Variants in AK5 observed in about 807,000 individuals in gnomAD.
The protein encoded by AK5 is adenylate kinase isoenzyme 5.
Under a neutral mutation model 69.5 loss-of-function variants are expected in AK5, and 27 were observed. The observed-to-expected ratio is 0.39, with a 90% confidence interval of 0.29 to 0.54. AK5 has a LOEUF of 0.54. AK5 is among the 20% of genes least tolerant of loss of function. The pLI, the probability that AK5 is intolerant of heterozygous loss-of-function variation, is 0.71. For missense variants in AK5, 531 were observed against 700.4 expected, an observed-to-expected ratio of 0.76 and a Z score of 2.73; for synonymous variants, 260 against 244.4, an observed-to-expected ratio of 1.06 and a Z score of -0.60.
At chr1:77,447,105 AC>A (rs1265835124) in intron 8 of AK5, among the ~76,000 whole-genome samples, 2 of 152,232 alleles carry the variant, frequency 1.3e-5, no homozygotes, top group African/African-American at 4.8e-5. Flanking sequence ...TTCCCCAAAG[AC>A]TGAAATAAAA....
intron 8 of AK5, among the ~76,000 whole-genome samples, chr1:77,443,274 T>G (rs1288012919): frequency 6.6e-6 from 1 of 152,156 alleles, no homozygotes; most frequent in Non-Finnish European, 1.5e-5. Flanking sequence ...GTATTTAATT[T>G]TATAATTCAT....
chr1:77,454,207 G>C lies in AK5; in HGVS notation c.1060-29110G>C, dbSNP rs542500251. ...CCCAGGACTGTCAGCAAGGGAATAGGGTTCAGGTCTTCTCCATTTATAAAC... is the reference window on the plus strand; with the variant it reads ...CCCAGGACTGTCAGCAAGGGAATAGCGTTCAGGTCTTCTCCATTTATAAAC... On this transcript the variant is annotated intron_variant, in intron 8 of 13. Coordinates refer to ENST00000354567, the MANE Select transcript of AK5 (RefSeq NM_174858.3). Among the ~76,000 whole-genome samples, 87 of 152,242 alleles carry C rather than the reference G, an allele frequency of 5.7e-4. No homozygotes were observed. The South Asian group carries it at 0.017, about 30-fold the overall frequency.
chr1:77,379,953 T>C (rs1647511633), intron 6 of AK5, among the ~76,000 whole-genome samples: 1 of 152,244 alleles, frequency 6.6e-6, no homozygotes, highest in African/African-American at 2.4e-5. Context: ...ATTTTAAATC[T>C]GCTTCTGTAG....
chr1:77,378,509 A>G (rs1647391752), intron 6 of AK5, among the ~76,000 whole-genome samples: 1 of 152,134 alleles, frequency 6.6e-6, no homozygotes, highest in Non-Finnish European at 1.5e-5. Context: ...TAGAAGAGAT[A>G]GGGTTTCACC....
intron 6 of AK5, among the ~76,000 whole-genome samples, chr1:77,356,772 C>T (rs923122553): frequency 1.3e-5 from 2 of 152,176 alleles, no homozygotes; most frequent in African/African-American, 4.8e-5. Context: ...TATGTACTTT[C>T]ACATACTGAT....
At chr1:77,304,799 A>G (rs1159964376) in intron 5 of AK5, among the ~76,000 whole-genome samples, 1 of 152,256 alleles carries the variant, frequency 6.6e-6, no homozygotes, top group Non-Finnish European at 1.5e-5. Flanking sequence ...CAACAAACAT[A>G]GGAATGCAGA....
At chr1:77,468,049 G>C (rs1024616383) in intron 8 of AK5, among the ~76,000 whole-genome samples, 1 of 152,216 alleles carries the variant, frequency 6.6e-6, no homozygotes, top group Non-Finnish European at 1.5e-5. Flanking sequence ...TAGGGTTAAA[G>C]GGGGTCTTAG....
intron 6 of AK5, among the ~76,000 whole-genome samples, chr1:77,367,610 A>ATATATATGTT (rs1557532968): frequency 1.6e-4 from 9 of 55,418 alleles, no homozygotes; most frequent in African/African-American, 2.2e-4. Context: ...ATATATATGT[A>ATATATATGTT]ATATATATGT....
intron 11 of AK5, 109 bp from the exon 12 acceptor site, chr1:77,521,718 C>A: frequency 1.3e-6 from 1 of 741,852 alleles, no homozygotes; most frequent in East Asian, 2.6e-5. Flanking sequence ...CTGCTGTTAA[C>A]CTTACCTGAA....
chr1:77,356,512 G>A (rs148417977), intron 6 of AK5, among the ~76,000 whole-genome samples: 3 of 152,164 alleles, frequency 2.0e-5, no homozygotes, highest in Non-Finnish European at 2.9e-5. Context: ...GGCCATTCAC[G>A]AGTTCTTGAC....
chr1:77,369,586 C>T (rs1647081555), intron 6 of AK5, among the ~76,000 whole-genome samples: 1 of 150,360 alleles, frequency 6.7e-6, no homozygotes, highest in Non-Finnish European at 1.5e-5. Context: ...ATCAACTGAT[C>T]ATGAGAGTTA....
At chr1:77,427,403 C>G (rs931794560) in intron 8 of AK5, among the ~76,000 whole-genome samples, 2 of 151,884 alleles carry the variant, frequency 1.3e-5, no homozygotes, top group African/African-American at 4.8e-5. Flanking sequence ...TGAAATGGAC[C>G]AATTCTTTGA....
chr1:77,535,444 G>A (rs1278296344), intron 12 of AK5, among the ~76,000 whole-genome samples: 1 of 152,128 alleles, frequency 6.6e-6, no homozygotes, highest in Admixed American at 6.5e-5. Context: ...TGCCACCTGT[G>A]GCTGTTATAT....
intron 8 of AK5, among the ~76,000 whole-genome samples, chr1:77,439,685 A>G (rs749667446): frequency 1.3e-5 from 2 of 150,896 alleles, no homozygotes; most frequent in Non-Finnish European, 3.0e-5. Flanking sequence ...TTCACTTAAC[A>G]TAATGTCCTC....
In AK5 at chr1:77,535,957, C is replaced by T. The variant is rs754734812; in HGVS notation, c.1539C>T (p.Thr513=). ...SSLPVDDTTK[T]IAKRLEAYYR... Reference sequence around the variant, plus strand: ...TGCCTGTGGACGACACCACCAAGACCATCGCCAAGCGCCTAGAAGCCTACT... The same window carrying T: ...TGCCTGTGGACGACACCACCAAGACTATCGCCAAGCGCCTAGAAGCCTACT... Residue 513 remains threonine (T), a synonymous_variant, in exon 13 of 14, where the codon ACC becomes ACT. Transcript: ENST00000354567. 2 of 1,614,086 alleles carry T rather than the reference C, an allele frequency of 1.2e-6. No individual in the cohort carries two copies. The highest frequency in any genetic ancestry group is 3.3e-5 in the Admixed American group (2 of 60,010).
At chr1:77,389,721 G>A (rs1648285280) in intron 6 of AK5, among the ~76,000 whole-genome samples, 1 of 152,194 alleles carries the variant, frequency 6.6e-6, no homozygotes, top group Admixed American at 6.5e-5. Flanking sequence ...CAGTACTTTG[G>A]GACGCTGAGA....
At chr1:77,283,022 C>G (rs908540642) in intron 1 of AK5, 23 of 985,482 alleles carry the variant, frequency 2.3e-5, no homozygotes, top group Non-Finnish European at 2.7e-5. Context: ...CGCCAGTGCT[C>G]GACAACCCAC....
At chr1:77,370,049 G>A (rs751853268) in intron 6 of AK5, among the ~76,000 whole-genome samples, 1 of 152,150 alleles carries the variant, frequency 6.6e-6, no homozygotes, top group Non-Finnish European at 1.5e-5. Flanking sequence ...CAGTGTTGTA[G>A]GGAGGAACTT....
Position 77,431,752 on chromosome 1 carries a change from G to A in AK5, c.1059+14037G>A, listed in dbSNP as rs12239674. ...GAAAATGATATTTATTCAGAAATGG[G>A]CATTGCAATAGGAATATGGGTGCCA... On this transcript the variant is annotated intron_variant, in intron 8 of 13. Transcript: ENST00000354567. Among the ~76,000 whole-genome samples, 74 of 152,224 alleles carry A rather than the reference G, an allele frequency of 4.9e-4. No homozygotes were observed. The East Asian group carries it at 0.011, about 22-fold the overall frequency.
Sources: allele counts gnomAD v4.1 joint callset (sites outside exome capture counted in the v4.1 genomes callset), GRCh38; gene constraint gnomAD v4.1.1; transcripts MANE v1.5; gene names NCBI Gene and HGNC (gene_info 2026-07-23, HGNC 2026-07-21).